The following CPD variants were observed in gnomAD, a reference collection of about 807,000 sequenced individuals.
The protein encoded by CPD is metallocarboxypeptidase D.
Under a neutral mutation model 138.3 loss-of-function variants are expected in CPD, and 69 were observed. That is an observed-to-expected ratio of 0.50 (90% CI 0.41 to 0.61). The LOEUF is 0.61. Ranked by LOEUF, CPD falls within the 20% of genes least tolerant of loss-of-function variation. CPD has a pLI of 0.00. For synonymous variants in CPD, 651 were observed against 642.1 expected (o/e 1.01, Z -0.21); for missense variants, 1,432 against 1,733.3 (o/e 0.83, Z 3.09).
chr17:30,464,792 C>G lies in CPD; in HGVS notation c.4121C>G (p.Thr1374Arg). 1 of 1,613,758 alleles carries G rather than the reference C, an allele frequency of 6.2e-7. No homozygotes were observed. Among genetic ancestry groups the G allele is most frequent in the South Asian group, 1.1e-5 (1 of 91,070 alleles). ...GATGAAACAGACACTGAAGAGGAAACATTATATTCTAGCAAACATTGAAAA... is the reference window on the plus strand; with the variant it reads ...GATGAAACAGACACTGAAGAGGAAAGATTATATTCTAGCAAACATTGAAAA... The part of the protein sequence containing the change: ...FQDETDTEEE[T>R]LYSSKH The change falls in exon 21 of 21, where the codon ACA becomes AGA. Residue 1374 changes from threonine to arginine, a missense_variant. Coordinates refer to ENST00000225719, the MANE Select transcript of CPD (RefSeq NM_001304.5).
rs146805863 is a variant in CPD at position 30,469,647 on chromosome 17, G to T, written c.*4833G>T. The T allele has an allele frequency of 4.6e-5, 7 of 152,160 alleles. No homozygotes were observed. Among genetic ancestry groups the T allele is most frequent in the East Asian group, 3.9e-4 (2 of 5,190 alleles). The allele number at this position is 152,160 out of a possible 1,614,324, so 9.4% of individuals were successfully genotyped here. A position where few individuals can be genotyped will look rare whatever the true frequency, so the allele number is the denominator to read the frequency against. On this transcript the variant is annotated 3_prime_UTR_variant, in exon 21 of 21. Coordinates refer to ENST00000225719, the MANE Select transcript of CPD (RefSeq NM_001304.5). ...AAATTCTGAGACACAAATAAAAAAA[G>T]AAATTTTTTATTATGTGGTTCAATA...
intron 6 of CPD, among the ~76,000 whole-genome samples, chr17:30,426,391 T>C (rs1446418510): frequency 1.3e-5 from 2 of 152,120 alleles, no homozygotes; most frequent in African/African-American, 4.8e-5. Context: ...TTTTCAAAGA[T>C]AGTTTGATGG....
Position 30,455,087 on chromosome 17 carries a change from A to G in CPD, c.3206-252A>G, listed in dbSNP as rs567248084. The G allele has an allele frequency of 1.5e-5, 4 of 270,936 alleles. No individual in the cohort carries two copies. The East Asian group carries it at 2.9e-4, about 20-fold the overall frequency. 16.8% of individuals were successfully genotyped at this position (270,936 alleles called of 1,614,324 possible). The stretch of plus-strand genomic sequence containing the variant: ...TATGCTTATTCTTTTTGTTTTTTTA[A>G]TAAGATTTTTCTTTAACTTGCTTAG... On this transcript the variant is annotated intron_variant, in intron 14 of 20. Transcript: ENST00000225719.
At chr17:30,458,109 G>T (rs1319307530) in intron 17 of CPD, among the ~76,000 whole-genome samples, 2 of 152,048 alleles carry the variant, frequency 1.3e-5, no homozygotes, top group Non-Finnish European at 1.5e-5. Flanking sequence ...CAGGAGAATC[G>T]CTTGAACTTG....
chr17:30,397,602 G>A (rs764636620), intron 2 of CPD, among the ~76,000 whole-genome samples: 1 of 151,730 alleles, frequency 6.6e-6, no homozygotes, highest in Non-Finnish European at 1.5e-5. Context: ...GCCAGGCATG[G>A]TGGTGCACAT....
chr17:30,379,767 A>C lies in CPD; in HGVS notation c.746+41A>C. On this transcript the variant is annotated intron_variant, in intron 1 of 20. Transcript: ENST00000225719. This position sits in a 1 kb window ranked among gnomAD's most constrained non-coding sequence, Gnocchi z 7.0. ...CCCCTCCCCGTCCGTGTGAGCCTCC[A>C]AGGGCCGAGGCTGGTTCCGGCACCC... 7.3e-7 allele frequency: 1 copy of C among 1,362,926 alleles called. No homozygotes were observed. 84.4% of individuals were successfully genotyped at this position (1,362,926 alleles called of 1,614,324 possible).
chr17:30,463,255 C>T (rs1269101563), intron 20 of CPD, among the ~76,000 whole-genome samples: 1 of 152,152 alleles, frequency 6.6e-6, no homozygotes. Context: ...CTCTATCCTG[C>T]TTTTTTTCAT....
Position 30,449,564 on chromosome 17 carries a change from G to A in CPD, c.2885G>A (p.Ser962Asn). ...CTGGTTTTTGAAAGTTTGGGACAGA[G>A]CACTGAATATCGTCACATTTGGTCC... is the stretch of plus-strand genomic sequence containing the variant. The part of the protein sequence containing the change: ...HITNLTNLGQ[S>N]TEYRHIWSLE... The change falls in exon 13 of 21, where the codon AGC becomes AAC. Residue 962 changes from serine to asparagine, a missense_variant. Physicochemically the swap from Ser to Asn is conservative, Grantham distance 46 (BLOSUM62 1). Transcript: ENST00000225719. The A allele has an allele frequency of 6.3e-7, 1 of 1,597,308 alleles. No homozygotes were observed. Among genetic ancestry groups the A allele is most frequent in the South Asian group, 1.1e-5 (1 of 87,210 alleles).
rs1913015092 is a variant in CPD, at chr17:30,445,860, T to G, written c.2713T>G (p.Leu905Val). The G allele has an allele frequency of 6.2e-7, 1 of 1,614,126 alleles. No homozygotes were observed. Among genetic ancestry groups the G allele is most frequent in the African/African-American group, 1.3e-5 (1 of 75,030 alleles). Residue 905 changes from leucine (L) to valine (V), a missense_variant, in exon 12 of 21, where the codon TTA becomes GTA. Physicochemically the swap from Leu to Val is conservative, Grantham distance 32 (BLOSUM62 1). This residue lies in a region of CPD where 124 missense variants were observed against 117.0 expected (regional missense o/e 1.06). Transcript: ENST00000225719. ...TCCAACTACTAAAGAGTTTGAAACT[T>G]TAATTAAAGACCTTTCAGCGGAGAA... ...SDPTTKEFET[L>V]IKDLSAENGL... is the part of the protein sequence containing the mutation.
chr17:30,456,373 T>G, intron 16 of CPD, 22 bp downstream of exon 16: 1 of 1,612,112 alleles, frequency 6.2e-7, no homozygotes, highest in Non-Finnish European at 8.5e-7. Flanking sequence ...CCATACCTTT[T>G]GTTATTGCTG....
chr17:30,379,238 C>T lies in CPD; in HGVS notation c.258C>T (p.Gly86=). 1 of 1,522,538 alleles carries T rather than the reference C, an allele frequency of 6.6e-7. No individual in the cohort carries two copies. The highest frequency in any genetic ancestry group is 2.6e-5 in the East Asian group (1 of 38,388). The allele number at this position is 1,522,538 out of a possible 1,614,324, so 94.3% of individuals were successfully genotyped here. ...GCCTGGCCCGCCTCTTTAGCATCGG[C>T]CGCTCGGTGGAAGGCCGGCCGCTGT... ...LPGLARLFSI[G]RSVEGRPLWV... Residue 86 remains glycine (G), a synonymous_variant, in exon 1 of 21, where the codon GGC becomes GGT. Transcript: ENST00000225719. This position sits in a 1 kb window ranked among gnomAD's most constrained non-coding sequence, Gnocchi z 7.0.
chr17:30,414,196 A>G (rs1912043702), intron 2 of CPD, among the ~76,000 whole-genome samples: 1 of 152,220 alleles, frequency 6.6e-6, no homozygotes, highest in South Asian at 2.1e-4. Flanking sequence ...ATAACATCTG[A>G]CTTGCATTTT....
intron 12 of CPD, among the ~76,000 whole-genome samples, chr17:30,448,715 G>C (rs1419887038): frequency 6.6e-6 from 1 of 152,146 alleles, no homozygotes; most frequent in Non-Finnish European, 1.5e-5. Context: ...CATTGAATTA[G>C]TATTTTTTTC....
intron 4 of CPD, among the ~76,000 whole-genome samples, chr17:30,422,370 A>C (rs983223989): frequency 2.0e-5 from 3 of 152,224 alleles, no homozygotes; most frequent in Non-Finnish European, 4.4e-5. Flanking sequence ...GTACTGTAGC[A>C]GTGGTTACAA....
chr17:30,415,861 T>C (rs921744004), intron 2 of CPD, among the ~76,000 whole-genome samples: 2 of 152,222 alleles, frequency 1.3e-5, no homozygotes, highest in Non-Finnish European at 2.9e-5. Flanking sequence ...CTTAGGGATA[T>C]TATGCTAAGT....
chr17:30,379,088 G>T lies in CPD; in HGVS notation c.108G>T (p.Lys36Asn). The T allele has an allele frequency of 6.4e-7, 1 of 1,559,696 alleles. No individual in the cohort carries two copies. Residue 36 changes from lysine to asparagine, a missense_variant, in exon 1 of 21, where the codon AAG (lysine) becomes AAT (asparagine). Lys to Asn is a moderately conservative substitution (Grantham distance 94). Transcript: ENST00000225719. This position sits in a 1 kb window ranked among gnomAD's most constrained non-coding sequence, Gnocchi z 7.0. Reference protein sequence around the residue: ...GSSARAAHIKKAEATTTTTSA... With the variant: ...GSSARAAHIKNAEATTTTTSA... ...CGGCCCGGGCGGCTCACATCAAGAA[G>T]GCGGAGGCGACTACCACAACTACGA...
At position 30,415,755 on chromosome 17, in the gene CPD, G is replaced by T. The variant is rs142184908; in HGVS notation, c.995-5086G>T. Among the ~76,000 whole-genome samples the T allele has an allele frequency of 2.8e-4, 42 of 152,246 alleles. No individual in the cohort carries two copies. In the South Asian group the frequency reaches 6.2e-3, roughly 23 times the overall value. Reference sequence around the variant, plus strand: ...AGCAATTAAATGTCAATTGACAGATGAGTGGATAAAGAAAAGTTTGTATAT... The same window carrying T: ...AGCAATTAAATGTCAATTGACAGATTAGTGGATAAAGAAAAGTTTGTATAT... On this transcript the variant is annotated intron_variant, in intron 2 of 20. Coordinates refer to ENST00000225719, the MANE Select transcript of CPD (RefSeq NM_001304.5).
intron 15 of CPD, chr17:30,456,003 A>G (rs1031762819): frequency 1.6e-5 from 7 of 448,254 alleles, no homozygotes; most frequent in African/African-American, 2.0e-5. Flanking sequence ...AGACATACCA[A>G]AACAAGTTTG....
intron 8 of CPD, among the ~76,000 whole-genome samples, chr17:30,435,744 C>T (rs1285295902): frequency 6.6e-6 from 1 of 152,126 alleles, no homozygotes; most frequent in African/African-American, 2.4e-5. Flanking sequence ...TGGTCTAAGA[C>T]AACAGGAATT....
Sources: allele counts gnomAD v4.1 joint callset (sites outside exome capture counted in the v4.1 genomes callset), GRCh38; gene constraint gnomAD v4.1.1; regional missense constraint gnomAD v4.1.1; non-coding constraint Gnocchi (gnomAD v3.1); transcripts MANE v1.5; gene names NCBI Gene and HGNC (gene_info 2026-07-23, HGNC 2026-07-21).